The following CCDC7 variants were observed in gnomAD, a reference collection of about 807,000 sequenced individuals.
CCDC7 encodes the protein coiled-coil domain containing 7.
Under a neutral mutation model 196.9 loss-of-function variants are expected in CCDC7, and 183 were observed. The ratio of observed to expected loss-of-function variants is 0.93; its 90% CI spans 0.82 to 1.05. The LOEUF (loss-of-function observed/expected upper bound fraction) is 1.05, where lower values mean the gene tolerates loss of function less well. Among genes scored for constraint, CCDC7 ranks in the 50% least tolerant of loss-of-function variants. CCDC7 has a pLI of 0.00. For missense variants in CCDC7, 1,540 were observed against 1,482.2 expected (o/e 1.04, Z -0.64); for synonymous variants, 525 against 484.6 (o/e 1.08, Z -1.10).
intron 23 of CCDC7, 119 bp downstream of exon 24, chr10:32,689,282 A>T: frequency 1.6e-6 from 1 of 628,686 alleles, no homozygotes; most frequent in Non-Finnish European, 2.7e-6. Context: ...CCCTACCATA[A>T]TTAAAGAAAA....
At chr10:32,669,219 C>A (rs76083026) in intron 21 of CCDC7, among the ~76,000 whole-genome samples, 21,562 of 152,058 alleles carry the variant, frequency 0.14, 1,877 homozygotes, top group African/African-American at 0.25. Context: ...TTATGTTGAA[C>A]CATCCTTGCA....
intron 9 of CCDC7, chr10:32,511,261 C>CGGGGGGG (rs371884255): frequency 1.3e-5 from 5 of 383,212 alleles, no homozygotes; most frequent in African/African-American, 9.9e-5. Context: ...CTGTGGGGGG[C>CGGGGGGG]GGGGGGGGCG....
intron 30 of CCDC7, among the ~76,000 whole-genome samples, chr10:32,805,631 C>T (rs11009089): frequency 0.34 from 52,125 of 152,060 alleles, 11,326 homozygotes; most frequent in Non-Finnish European, 0.49. Context: ...AGGCAAAACA[C>T]CCTTTGATCT....
At chr10:32,784,785 C>T (rs1401874663) in intron 29 of CCDC7, among the ~76,000 whole-genome samples, 1 of 151,346 alleles carries the variant, frequency 6.6e-6, no homozygotes, top group East Asian at 2.0e-4. Context: ...GTAGATCTCC[C>T]GAGGTCAGGA....
intron 24 of CCDC7, among the ~76,000 whole-genome samples, chr10:32,704,449 A>G (rs1351489825): frequency 6.6e-6 from 1 of 151,558 alleles, no homozygotes; most frequent in Non-Finnish European, 1.5e-5. Context: ...TAGGCTACTC[A>G]GGGGTCAGGG....
intron 22 of CCDC7, 46 bp from the exon 44 acceptor site, chr10:32,882,647 T>C (rs944289095): frequency 1.3e-5 from 2 of 152,194 alleles, no homozygotes; most frequent in Non-Finnish European, 2.9e-5. Context: ...ATATTAGAAG[T>C]TGAATTAAAT....
chr10:32,776,606 C>G (rs1399765550), intron 28 of CCDC7, among the ~76,000 whole-genome samples: 1 of 152,080 alleles, frequency 6.6e-6, no homozygotes, highest in Non-Finnish European at 1.5e-5. Context: ...TTTCCCTCAT[C>G]TGTTAAATGG....
At chr10:32,631,759 T>C (rs895629116) in intron 18 of CCDC7, among the ~76,000 whole-genome samples, 1 of 152,126 alleles carries the variant, frequency 6.6e-6, no homozygotes, top group East Asian at 1.9e-4. Context: ...TTTAACAATA[T>C]TGTCTAACAA....
At chr10:32,691,164 G>A (rs368140440) in intron 23 of CCDC7, among the ~76,000 whole-genome samples, 60 of 152,188 alleles carry the variant, frequency 3.9e-4, no homozygotes, top group African/African-American at 1.4e-3. Flanking sequence ...AGAGCATGAA[G>A]TTTGAGCAAA....
intron 9 of CCDC7, among the ~76,000 whole-genome samples, chr10:32,507,901 C>T (rs1456843448): frequency 6.6e-6 from 1 of 152,178 alleles, no homozygotes; most frequent in East Asian, 1.9e-4. Context: ...CCATATTAGC[C>T]TACAGCTAAC....
chr10:32,820,851 A>T (rs1214338392), intron 31 of CCDC7, among the ~76,000 whole-genome samples: 2 of 151,782 alleles, frequency 1.3e-5, no homozygotes, highest in Non-Finnish European at 2.9e-5. Context: ...TAGACCTAAA[A>T]CCATAAAAAC....
In CCDC7 at chr10:32,725,382, G is replaced by A. The variant is rs768766999; in HGVS notation, c.2570-1352G>A. The A allele has an allele frequency of 4.5e-5, 21 of 470,644 alleles. 1 individual carries two copies. The Middle Eastern group carries it at 9.7e-4, about 22-fold the overall frequency. 29.2% of individuals were successfully genotyped at this position (470,644 alleles called of 1,614,324 possible). ...CCCAACACTCTTGCCCAAGACTGAG[G>A]GTATGTTTCAAATACTGTATTTATT... On this transcript the variant is annotated intron_variant, in intron 25 of 41. Transcript: ENST00000639629.
In CCDC7 at chr10:32,599,345, A is replaced by G. The variant is rs997365747; in HGVS notation, c.1801+15041A>G. On this transcript the variant is annotated intron_variant, in intron 18 of 41. Transcript: ENST00000639629. ...TACATAGCATGTCATTGGGTCATGT[A>G]TGTATGTATGTGTTTAAAAGCTTTT... Among the ~76,000 whole-genome samples the G allele has an allele frequency of 6.6e-5, 10 of 152,198 alleles. No homozygotes were observed. In the East Asian group the frequency reaches 9.6e-4, roughly 15 times the overall value.
rs531208798 is a variant in CCDC7 at position 32,848,946 on chromosome 10, CTT to C, written c.3895+232_3895+233del. Among the ~76,000 whole-genome samples, 717 of 152,058 alleles carry C rather than the reference CTT, an allele frequency of 4.7e-3. 5 individuals carry two copies. Among genetic ancestry groups the C allele is most frequent in the African/African-American group, 0.017 (692 of 41,498 alleles). The stretch of plus-strand genomic sequence containing the variant: ...CAATCATTCTACTAAAGAGCATTGA[CTT>C]TTTAGGCTTGAGATTTCTTATTAAA... On this transcript the variant is annotated intron_variant, in intron 39 of 41. Transcript: ENST00000639629.
chr10:32,804,894 C>A (rs775888645), intron 29 of CCDC7, 121 bp from the exon 31 acceptor site: 20 of 652,284 alleles, frequency 3.1e-5, no homozygotes, highest in Non-Finnish European at 4.6e-5. Context: ...TTTGCTATAA[C>A]TTTTATTCAT....
At chr10:32,754,356 G>T (rs956954552) in intron 28 of CCDC7, among the ~76,000 whole-genome samples, 6 of 152,162 alleles carry the variant, frequency 3.9e-5, no homozygotes. Flanking sequence ...GGCCTCATAT[G>T]ATGGAAACAA....
chr10:32,834,278 T>A (rs2092433949), intron 32 of CCDC7, among the ~76,000 whole-genome samples: 1 of 152,094 alleles, frequency 6.6e-6, no homozygotes. Flanking sequence ...TAAAATATTC[T>A]TAGAAGAATC....
At chr10:32,526,122 C>G (rs1038945488) in intron 11 of CCDC7, among the ~76,000 whole-genome samples, 5 of 152,218 alleles carry the variant, frequency 3.3e-5, no homozygotes, top group African/African-American at 1.2e-4. Context: ...AGCTGGAACT[C>G]AACCCATGAT....
chr10:32,612,880 G>T (rs536777697), intron 18 of CCDC7, among the ~76,000 whole-genome samples: 5,145 of 144,766 alleles, frequency 0.036, 292 homozygotes, highest in African/African-American at 0.12. Context: ...AATTTTCTTT[G>T]TTTTTTTTTT....
Sources: gnomAD v4.1 joint callset for allele counts (sites outside exome capture counted in the v4.1 genomes callset) on GRCh38, gnomAD v4.1.1 for gene constraint, MANE v1.5 for transcripts, NCBI Gene and HGNC (gene_info 2026-07-23, HGNC 2026-07-21) for gene names.